Variants in AKAP19 observed in about 807,000 individuals in gnomAD.
The protein encoded by AKAP19 is small A-kinase anchoring protein.
chr2:190,180,909 C>T, the AKAP19 span: 23 of 985,164 alleles, frequency 2.3e-5, no homozygotes, highest in Non-Finnish European at 2.8e-5. The surrounding 1 kb of genome is among the most constrained non-coding windows in gnomAD (Gnocchi z 6.8). Flanking sequence ...AAGGCGGCGC[C>T]GCTGCCCTGG....
chr2:189,975,412 C>T, the AKAP19 span, among the ~76,000 whole-genome samples: 10 of 152,152 alleles, frequency 6.6e-5, no homozygotes, highest in Non-Finnish European at 1.0e-4. Context: ...CTGCCCTTAA[C>T]GTTTTTTCCT....
chr2:189,912,355 A>G, the AKAP19 span, among the ~76,000 whole-genome samples: 93 of 152,306 alleles, frequency 6.1e-4, no homozygotes, highest in Non-Finnish European at 1.1e-3. Context: ...AGCCTGGCCA[A>G]CATGACGAAA....
the AKAP19 span, among the ~76,000 whole-genome samples, chr2:190,033,144 C>T: frequency 3.3e-5 from 5 of 152,090 alleles, no homozygotes; most frequent in African/African-American, 7.2e-5. Flanking sequence ...TTATCCCCAG[C>T]CATGCCAGCA....
At chr2:189,952,683 T>C in the AKAP19 span, among the ~76,000 whole-genome samples, 1 of 152,234 alleles carries the variant, frequency 6.6e-6, no homozygotes, top group Non-Finnish European at 1.5e-5. Context: ...TGAAACAGGA[T>C]ACTTCTACTG....
At chr2:190,141,769 G>T in the AKAP19 span, among the ~76,000 whole-genome samples, 2 of 152,312 alleles carry the variant, frequency 1.3e-5, no homozygotes, top group East Asian at 3.9e-4. Context: ...AAGGGGGCTT[G>T]CTGCCCAATG....
the AKAP19 span, among the ~76,000 whole-genome samples, chr2:190,061,326 C>T: frequency 1.1e-4 from 17 of 152,108 alleles, no homozygotes; most frequent in East Asian, 3.3e-3. Context: ...TGTCAAGGTG[C>T]CTGTTTCTCT....
the AKAP19 span, among the ~76,000 whole-genome samples, chr2:189,932,653 T>C: frequency 6.7e-6 from 1 of 148,794 alleles, no homozygotes; most frequent in Non-Finnish European, 1.5e-5. Flanking sequence ...CTGCAGTGAG[T>C]CAGGATAGTG....
the AKAP19 span, among the ~76,000 whole-genome samples, chr2:190,195,573 C>T: frequency 3.9e-5 from 6 of 152,218 alleles, no homozygotes; most frequent in African/African-American, 1.2e-4. Context: ...CGTGAGGTGT[C>T]TGTCCAGATC....
chr2:190,151,883 A>T, the AKAP19 span, among the ~76,000 whole-genome samples: 1 of 152,076 alleles, frequency 6.6e-6, no homozygotes, highest in Non-Finnish European at 1.5e-5. Flanking sequence ...GGCGCCTGTA[A>T]TCCCAGCTAC....
At chr2:190,066,062 G>C in the AKAP19 span, among the ~76,000 whole-genome samples, 1 of 152,180 alleles carries the variant, frequency 6.6e-6, no homozygotes, top group African/African-American at 2.4e-5. Flanking sequence ...GGAGAGCTGC[G>C]TCTATCAGCT....
At chr2:190,039,035 TC>T in the AKAP19 span, among the ~76,000 whole-genome samples, 1 of 103,896 alleles carries the variant, frequency 9.6e-6, no homozygotes, top group Non-Finnish European at 2.2e-5. Context: ...TTCTTCCTCT[TC>T]TTCCTCTTCT....
At chr2:190,101,413 A>G in the AKAP19 span, among the ~76,000 whole-genome samples, 1 of 152,126 alleles carries the variant, frequency 6.6e-6, no homozygotes, top group Admixed American at 6.5e-5. Context: ...TGCTCCCCTG[A>G]GAGGATAGCA....
chr2:190,066,937 C>T, the AKAP19 span, among the ~76,000 whole-genome samples: 16 of 152,172 alleles, frequency 1.1e-4, 1 homozygote, highest in Middle Eastern at 0.017. Flanking sequence ...CTTCAGGAAA[C>T]CTATGGACTA....
At chr2:190,183,487 AG>A in the AKAP19 span, among the ~76,000 whole-genome samples, 3 of 152,216 alleles carry the variant, frequency 2.0e-5, no homozygotes, top group Non-Finnish European at 2.9e-5. Flanking sequence ...GCAAATTGTT[AG>A]TTCCTAGAAA....
chr2:190,004,933 T>G, the AKAP19 span, among the ~76,000 whole-genome samples: 1,056 of 152,338 alleles, frequency 6.9e-3, 16 homozygotes, highest in African/African-American at 0.024. Flanking sequence ...AATTCATTCC[T>G]TCCCATGGGT....
At chr2:189,985,331 T>C in the AKAP19 span, among the ~76,000 whole-genome samples, 59 of 152,334 alleles carry the variant, frequency 3.9e-4, no homozygotes, top group Middle Eastern at 6.8e-3. Context: ...GTAGCCATCA[T>C]TTTCCATCTT....
the AKAP19 span, among the ~76,000 whole-genome samples, chr2:189,927,542 C>G: frequency 6.6e-6 from 1 of 152,182 alleles, no homozygotes; most frequent in African/African-American, 2.4e-5. Flanking sequence ...TCTGTATACA[C>G]TTCACCCAGA....
the AKAP19 span, among the ~76,000 whole-genome samples, chr2:190,158,913 A>G: frequency 6.6e-6 from 1 of 152,230 alleles, no homozygotes; most frequent in Non-Finnish European, 1.5e-5. Flanking sequence ...GGCTATCCTC[A>G]GGGGAGGCCC....
At chr2:189,885,206 A>T in the AKAP19 span, among the ~76,000 whole-genome samples, 2 of 152,164 alleles carry the variant, frequency 1.3e-5, no homozygotes, top group Non-Finnish European at 1.5e-5. Flanking sequence ...TGCCCATTAG[A>T]TTATAACAGA....
Sources: gnomAD v4.1 joint callset for allele counts (sites outside exome capture counted in the v4.1 genomes callset) on GRCh38, gnomAD v4.1.1 for gene constraint, Gnocchi (gnomAD v3.1) non-coding constraint, MANE v1.5 for transcripts, NCBI Gene and HGNC (gene_info 2026-07-23, HGNC 2026-07-21) for gene names.